SGSM1: variants seen among roughly 807,000 people sequenced by gnomAD.
SGSM1 encodes RUN and TBC1 domain containing 2.
A neutral mutation model predicts 133.8 loss-of-function variants in SGSM1; 73 were observed. That is an observed-to-expected ratio of 0.55 (90% CI 0.45 to 0.66). The LOEUF (loss-of-function observed/expected upper bound fraction) is 0.66. SGSM1 is among the 30% of genes least tolerant of loss of function. SGSM1 has a pLI of 0.00. For missense variants in SGSM1, 1,213 were observed against 1,448.1 expected (o/e 0.84, Z 2.64); for synonymous variants, 563 against 573.0 (o/e 0.98, Z 0.25).
intron 5 of SGSM1, 102 bp downstream of exon 5, chr22:24,850,534 G>C: frequency 6.8e-7 from 1 of 1,466,956 alleles, no homozygotes; most frequent in Non-Finnish European, 9.1e-7. Context: ...TTTTCCCCTT[G>C]ACAGCCACTA....
At chr22:24,859,537 G>A (rs1931001883) in intron 8 of SGSM1, 179 bp from the exon 9 acceptor site, 1 of 817,848 alleles carries the variant, frequency 1.2e-6, no homozygotes, top group African/African-American at 1.7e-5. Context: ...GCTGCAAATG[G>A]CTTTGCTTAG....
chr22:24,903,750 T>C (rs989835190), intron 20 of SGSM1, among the ~76,000 whole-genome samples: 2 of 151,908 alleles, frequency 1.3e-5, no homozygotes, highest in African/African-American at 4.8e-5. Flanking sequence ...GGCGGCCAGA[T>C]CACCTGAGGT....
chr22:24,837,411 G>C (rs35966598), intron 2 of SGSM1, among the ~76,000 whole-genome samples: 29,516 of 152,140 alleles, frequency 0.19, 2,994 homozygotes, highest in Non-Finnish European at 0.23. Flanking sequence ...AGAGCCAGGT[G>C]TACAGGATGA....
chr22:24,870,142 C>T (rs1436570465), intron 12 of SGSM1, among the ~76,000 whole-genome samples: 1 of 152,216 alleles, frequency 6.6e-6, no homozygotes, highest in East Asian at 1.9e-4. Flanking sequence ...GCTACAGTGT[C>T]CTGAAGTGTT....
intron 2 of SGSM1, among the ~76,000 whole-genome samples, chr22:24,811,680 A>G (rs1443521059): frequency 6.6e-6 from 1 of 152,142 alleles, no homozygotes; most frequent in Non-Finnish European, 1.5e-5. Context: ...AGCCTGGGCA[A>G]CATAGCAAGA....
chr22:24,887,174 C>T (rs1932660592), intron 16 of SGSM1, among the ~76,000 whole-genome samples: 2 of 110,560 alleles, frequency 1.8e-5, no homozygotes, highest in Admixed American at 9.5e-5. Flanking sequence ...GATCTGTGTC[C>T]ATCACCACGG....
chr22:24,835,450 A>G (rs1047117223), intron 2 of SGSM1, among the ~76,000 whole-genome samples: 17 of 152,184 alleles, frequency 1.1e-4, no homozygotes, highest in Admixed American at 9.8e-4. Flanking sequence ...CGTAGAGGCC[A>G]TTACGTCAGA....
chr22:24,868,564 A>T (rs758027785), intron 11 of SGSM1, 25 bp downstream of exon 11: 20 of 1,613,146 alleles, frequency 1.2e-5, no homozygotes, highest in Non-Finnish European at 1.6e-5. Flanking sequence ...GGACCCAGGG[A>T]GGCTGGGGTG....
At chr22:24,914,702 T>C (rs982092261) in intron 22 of SGSM1, among the ~76,000 whole-genome samples, 2 of 152,208 alleles carry the variant, frequency 1.3e-5, no homozygotes, top group African/African-American at 4.8e-5. Context: ...TTAAATGGTA[T>C]GAACTCTTGT....
chr22:24,900,336 A>G (rs1192924798), intron 19 of SGSM1, among the ~76,000 whole-genome samples: 1 of 124,868 alleles, frequency 8.0e-6, no homozygotes, highest in African/African-American at 3.5e-5. Context: ...CTTATTGTTA[A>G]CCTCTTCTTT....
intron 9 of SGSM1, among the ~76,000 whole-genome samples, chr22:24,860,948 T>TAA (rs1555926679): frequency 1.6e-5 from 2 of 127,992 alleles, no homozygotes; most frequent in African/African-American, 2.9e-5. Context: ...TATATATATA[T>TAA]AATTTTGAAG....
At chr22:24,813,148 G>A (rs983131636) in intron 2 of SGSM1, among the ~76,000 whole-genome samples, 7 of 152,184 alleles carry the variant, frequency 4.6e-5, no homozygotes, top group South Asian at 2.1e-4. Context: ...AGGGAATAGC[G>A]TATGCAGAGG....
At chr22:24,853,322 A>G (rs566366455) in intron 5 of SGSM1, among the ~76,000 whole-genome samples, 1 of 152,260 alleles carries the variant, frequency 6.6e-6, no homozygotes, top group East Asian at 1.9e-4. Context: ...TAAATCGCTT[A>G]CCCTCTGTGG....
chr22:24,922,510 C>T (rs1341729470), intron 24 of SGSM1, among the ~76,000 whole-genome samples: 1 of 142,790 alleles, frequency 7.0e-6, no homozygotes, highest in African/African-American at 2.6e-5. Flanking sequence ...GAGTCTTGCT[C>T]TGTCACCCAG....
intron 6 of SGSM1, 59 bp from the exon 7 acceptor site, chr22:24,855,226 G>T: frequency 6.4e-7 from 1 of 1,570,640 alleles, no homozygotes; most frequent in Non-Finnish European, 8.6e-7. Flanking sequence ...CCATCTGCTG[G>T]TAGACATGCG....
chr22:24,850,481 G>C (rs751145254), intron 5 of SGSM1, 49 bp downstream of exon 5: 1 of 1,591,876 alleles, frequency 6.3e-7, no homozygotes, highest in African/African-American at 1.3e-5. Context: ...CCCACCTGCC[G>C]GCCGTTGTGG....
At chr22:24,910,298 C>G (rs928394554) in intron 21 of SGSM1, among the ~76,000 whole-genome samples, 2 of 152,048 alleles carry the variant, frequency 1.3e-5, no homozygotes, top group Admixed American at 1.3e-4. Flanking sequence ...TGTGAATGTA[C>G]TAAAACCACT....
intron 10 of SGSM1, among the ~76,000 whole-genome samples, chr22:24,867,742 C>T (rs886761800): frequency 2.6e-5 from 4 of 152,150 alleles, no homozygotes; most frequent in South Asian, 2.1e-4. Context: ...GCAAATGGTC[C>T]GTGCCTCACC....
chr22:24,838,228 TCCTG>T (rs1412321340), intron 2 of SGSM1, among the ~76,000 whole-genome samples: 26 of 152,338 alleles, frequency 1.7e-4, no homozygotes, highest in Admixed American at 1.7e-3. Flanking sequence ...TTGGTCTAGG[TCCTG>T]CTGATCACTG....
Sources: allele counts gnomAD v4.1 joint callset (sites outside exome capture counted in the v4.1 genomes callset), GRCh38; gene constraint gnomAD v4.1.1; transcripts MANE v1.5; gene names NCBI Gene and HGNC (gene_info 2026-07-23, HGNC 2026-07-21).